Variants in TMEM163 observed in about 807,000 individuals in gnomAD.
The protein encoded by TMEM163 is transmembrane protein 163.
Under a neutral mutation model 29.3 loss-of-function variants are expected in TMEM163, and 17 were observed. That is an observed-to-expected ratio of 0.58 (90% CI 0.40 to 0.87). TMEM163 has a LOEUF of 0.87. Among genes scored for constraint, TMEM163 ranks in the 40% least tolerant of loss-of-function variants. The probability of loss-of-function intolerance (pLI) is 0.00; values close to 1 mark genes in which losing one functional copy is unlikely to be tolerated. For missense variants in TMEM163, 303 were observed against 381.5 expected (o/e 0.79, Z 1.71); for synonymous variants, 157 against 160.6 (o/e 0.98, Z 0.17).
intron 2 of TMEM163, among the ~76,000 whole-genome samples, chr2:134,650,692 C>A: frequency 9.3e-6 from 1 of 107,712 alleles, no homozygotes; most frequent in Non-Finnish European, 1.8e-5. Flanking sequence ...ATCCCTCACC[C>A]CTCCCCCCAC....
chr2:134,612,944 A>G (rs775998428), intron 2 of TMEM163, among the ~76,000 whole-genome samples: 8 of 152,252 alleles, frequency 5.3e-5, no homozygotes, highest in Non-Finnish European at 7.3e-5. Flanking sequence ...GCCAGATGTT[A>G]GACTTACTAG....
At chr2:134,507,214 T>G (rs1393247582) in intron 4 of TMEM163, among the ~76,000 whole-genome samples, 1 of 152,042 alleles carries the variant, frequency 6.6e-6, no homozygotes, top group African/African-American at 2.4e-5. Flanking sequence ...TGTATGCCTG[T>G]AATCCCAGCT....
intron 5 of TMEM163, among the ~76,000 whole-genome samples, chr2:134,473,599 A>C (rs1686852605): frequency 6.6e-6 from 1 of 151,848 alleles, no homozygotes. Context: ...GAGAAGAATC[A>C]ATAAAACCAA....
chr2:134,595,077 A>G (rs866748019), intron 2 of TMEM163, among the ~76,000 whole-genome samples: 1 of 151,846 alleles, frequency 6.6e-6, no homozygotes, highest in African/African-American at 2.4e-5. Flanking sequence ...CATAAAGCAT[A>G]AATTTTTATT....
At chr2:134,557,876 G>A (rs1681083412) in intron 2 of TMEM163, among the ~76,000 whole-genome samples, 1 of 152,156 alleles carries the variant, frequency 6.6e-6, no homozygotes, top group South Asian at 2.1e-4. Flanking sequence ...TAAAATGTGA[G>A]GCAGGTTTGC....
chr2:134,506,032 A>G (rs1300539896), intron 4 of TMEM163, among the ~76,000 whole-genome samples: 1 of 152,164 alleles, frequency 6.6e-6, no homozygotes, highest in African/African-American at 2.4e-5. Context: ...GGAGGAGGAA[A>G]GAGACTCCCA....
chr2:134,716,377 A>G (rs1360778689), intron 1 of TMEM163, among the ~76,000 whole-genome samples: 1 of 152,230 alleles, frequency 6.6e-6, no homozygotes, highest in East Asian at 1.9e-4. Context: ...ACCAGCCCAC[A>G]TCATTTCTAA....
chr2:134,570,233 A>G (rs1426639822), intron 2 of TMEM163, among the ~76,000 whole-genome samples: 2 of 152,178 alleles, frequency 1.3e-5, no homozygotes, highest in Non-Finnish European at 2.9e-5. Flanking sequence ...GGAGTTGTGA[A>G]GAAGGAAAAA....
intron 5 of TMEM163, among the ~76,000 whole-genome samples, chr2:134,496,416 T>C (rs1679562382): frequency 6.6e-6 from 1 of 152,170 alleles, no homozygotes; most frequent in African/African-American, 2.4e-5. Flanking sequence ...CTCAGGAGCA[T>C]GGAATCCCAT....
At chr2:134,665,134 G>T (rs879740841) in intron 2 of TMEM163, among the ~76,000 whole-genome samples, 23 of 152,088 alleles carry the variant, frequency 1.5e-4, no homozygotes, top group Non-Finnish European at 2.9e-4. Context: ...TTGTTTGGGG[G>T]TCCACACTTT....
chr2:134,464,849 G>A (rs1362828243), intron 6 of TMEM163, among the ~76,000 whole-genome samples: 1 of 152,052 alleles, frequency 6.6e-6, no homozygotes, highest in Non-Finnish European at 1.5e-5. Flanking sequence ...ACGTCACTTT[G>A]GCTTCCCATG....
intron 2 of TMEM163, among the ~76,000 whole-genome samples, chr2:134,640,822 A>G (rs1250716877): frequency 6.6e-6 from 1 of 152,202 alleles, no homozygotes; most frequent in African/African-American, 2.4e-5. Flanking sequence ...ATAATACTCA[A>G]TGTCCTCAAA....
chr2:134,582,393 C>T (rs999106666), intron 2 of TMEM163, among the ~76,000 whole-genome samples: 3 of 152,184 alleles, frequency 2.0e-5, no homozygotes, highest in Admixed American at 6.5e-5. Context: ...CTCTACAAAC[C>T]GCACGCTTTT....
At chr2:134,662,576 A>G (rs760371229) in intron 2 of TMEM163, among the ~76,000 whole-genome samples, 1 of 152,210 alleles carries the variant, frequency 6.6e-6, no homozygotes, top group Non-Finnish European at 1.5e-5. Context: ...TGAAAGGTTC[A>G]TAGTGCTTCA....
At chr2:134,612,704 T>A (rs1486957694) in intron 2 of TMEM163, among the ~76,000 whole-genome samples, 1 of 152,200 alleles carries the variant, frequency 6.6e-6, no homozygotes, top group Admixed American at 6.5e-5. Flanking sequence ...GAAATATAGA[T>A]GTTGCAGAAT....
intron 2 of TMEM163, among the ~76,000 whole-genome samples, chr2:134,611,685 A>G (rs1018939431): frequency 2.0e-5 from 3 of 152,174 alleles, no homozygotes; most frequent in Non-Finnish European, 4.4e-5. Flanking sequence ...GCTAGACTCA[A>G]CCCATTTAAC....
intron 2 of TMEM163, among the ~76,000 whole-genome samples, chr2:134,710,093 T>A (rs112851207): frequency 0.011 from 1,704 of 152,302 alleles, 42 homozygotes; most frequent in African/African-American, 0.039. Flanking sequence ...TATTCATTGA[T>A]ATATTATGTC....
chr2:134,496,166 A>G lies in TMEM163; in HGVS notation c.555+6735T>C, dbSNP rs1479463609. On this transcript the variant is annotated intron_variant, in intron 5 of 7. Transcript: ENST00000281924. ...GGCCTCCACCTCCAGGGTTCAACCA[A>G]TTCTCCTGCCTCAGCCTCCCAAGTA... Among the ~76,000 whole-genome samples the G allele has an allele frequency of 5.3e-5, 8 of 152,070 alleles. 1 individual carries two copies. The highest frequency in any genetic ancestry group is 1.9e-4 in the African/African-American group (8 of 41,488).
chr2:134,547,373 G>A (rs569269799), intron 4 of TMEM163, among the ~76,000 whole-genome samples: 76 of 152,264 alleles, frequency 5.0e-4, no homozygotes, highest in Middle Eastern at 3.4e-3. Flanking sequence ...GGCTAAGGAA[G>A]GTTTCCAGTT....
Sources: allele counts gnomAD v4.1 joint callset (sites outside exome capture counted in the v4.1 genomes callset), GRCh38; gene constraint gnomAD v4.1.1; transcripts MANE v1.5; gene names NCBI Gene and HGNC (gene_info 2026-07-23, HGNC 2026-07-21).